MIA2: variants seen among roughly 807,000 people sequenced by gnomAD.
The protein encoded by MIA2 is MIA SH3 domain ER export factor 2.
A neutral mutation model predicts 167.8 loss-of-function variants in MIA2; 127 were observed. The observed-to-expected ratio is 0.76, with a 90% confidence interval of 0.66 to 0.88. The LOEUF (loss-of-function observed/expected upper bound fraction) is 0.88, where lower values mean the gene tolerates loss of function less well. Ranked by LOEUF, MIA2 falls within the 40% of genes least tolerant of loss-of-function variation. MIA2 has a pLI of 0.00. For missense variants in MIA2, 1,690 were observed against 1,624.7 expected, an observed-to-expected ratio of 1.04 and a Z score of -0.69; for synonymous variants, 552 against 541.9, an observed-to-expected ratio of 1.02 and a Z score of -0.26.
intron 6 of MIA2, among the ~76,000 whole-genome samples, chr14:39,262,664 A>G (rs1371502293): frequency 6.6e-6 from 1 of 152,206 alleles, no homozygotes; most frequent in Non-Finnish European, 1.5e-5. Flanking sequence ...ATGTTCTTCC[A>G]TTTGTTTGTG....
intron 13 of MIA2, 152 bp downstream of exon 13, chr14:39,295,181 C>G: frequency 1.5e-6 from 1 of 654,140 alleles, no homozygotes; most frequent in African/African-American, 1.8e-5. Flanking sequence ...CAGTGTCTGT[C>G]TCTTTTGTAT....
Position 39,313,380 on chromosome 14 carries a change from G to T in MIA2, c.3058G>T (p.Glu1020Ter). The change falls in exon 19 of 29, where the codon GAG becomes TAG. Residue 1020 changes from glutamate (E) to a stop codon, truncating the protein, a stop_gained. Coordinates refer to ENST00000640607, the MANE Select transcript of MIA2 (RefSeq NM_001329214.4). LOFTEE classifies it high-confidence loss of function. ...VEENYRLEKE[E>*]KLSKVDEKIS... ...GGAAAATTATCGGTTAGAGAAAGAA[G>T]AGAAACTTTCTAAAGTAGATGAAAA... 1.2e-6 allele frequency: 2 copies of T among 1,602,806 alleles called. No homozygotes were observed. Among genetic ancestry groups the T allele is most frequent in the Admixed American group, 1.7e-5 (1 of 58,664 alleles).
intron 9 of MIA2, among the ~76,000 whole-genome samples, chr14:39,282,544 A>G (rs1181293655): frequency 2.6e-5 from 4 of 152,116 alleles, no homozygotes; most frequent in African/African-American, 9.7e-5. Context: ...CATGTTGTAC[A>G]TGAGATCTTT....
chr14:39,304,891 CAA>C (rs2063089427), intron 17 of MIA2, among the ~76,000 whole-genome samples: 1 of 151,906 alleles, frequency 6.6e-6, no homozygotes, highest in Admixed American at 6.6e-5. Context: ...TTTGTATTTT[CAA>C]AAAGTAAACA....
At chr14:39,370,627 A>G (rs936819663) in intron 23 of MIA2, 4 of 335,096 alleles carry the variant, frequency 1.2e-5, no homozygotes, top group Non-Finnish European at 2.5e-5. Context: ...GTCCTTCACC[A>G]GCGCCTCTCT....
chr14:39,347,150 T>A (rs916564850), intron 26 of MIA2, among the ~76,000 whole-genome samples: 36 of 151,926 alleles, frequency 2.4e-4, no homozygotes, highest in Non-Finnish European at 5.3e-4. Context: ...GGGAAGGAAG[T>A]GAGGGAGGAA....
At chr14:39,290,343 A>AT (rs1187302791) in intron 9 of MIA2, among the ~76,000 whole-genome samples, 1 of 150,448 alleles carries the variant, frequency 6.6e-6, no homozygotes, top group East Asian at 1.9e-4. Flanking sequence ...TTTTTTTGGT[A>AT]TTTTTTGTCA....
intron 6 of MIA2, among the ~76,000 whole-genome samples, chr14:39,268,121 G>T (rs2056347103): frequency 6.6e-6 from 1 of 151,804 alleles, no homozygotes; most frequent in Non-Finnish European, 1.5e-5. Flanking sequence ...TTATTTTTCA[G>T]GTCTAGTTTA....
intron 23 of MIA2, among the ~76,000 whole-genome samples, chr14:39,378,490 G>A (rs561408488): frequency 6.6e-6 from 1 of 152,252 alleles, no homozygotes; most frequent in African/African-American, 2.4e-5. Context: ...ATTATAAACT[G>A]CCTTATAAAA....
In MIA2 at chr14:39,371,893, G is replaced by A. The variant is rs145173430; in HGVS notation, c.2249-14992G>A. ...AGGCACATTATCTTTCTGTGTAGGGGCAACATCTCTAAGCTTACATGGTAT... is the reference window on the plus strand; with the variant it reads ...AGGCACATTATCTTTCTGTGTAGGGACAACATCTCTAAGCTTACATGGTAT... On this transcript the variant is annotated intron_variant, in intron 23 of 23. Transcript: ENST00000341502. Among the ~76,000 whole-genome samples the A allele has an allele frequency of 1.3e-3, 205 of 152,076 alleles. 1 individual carries two copies. Among genetic ancestry groups the A allele is most frequent in the African/African-American group, 4.5e-3 (188 of 41,488 alleles).
intron 25 of MIA2, among the ~76,000 whole-genome samples, chr14:39,334,234 G>A (rs2069714275): frequency 6.6e-6 from 1 of 152,150 alleles, no homozygotes; most frequent in African/African-American, 2.4e-5. Flanking sequence ...CAGCACTTTG[G>A]GAGGCCAAGG....
chr14:39,282,160 G>C (rs2059043658), intron 9 of MIA2, among the ~76,000 whole-genome samples: 2 of 152,056 alleles, frequency 1.3e-5, no homozygotes, highest in Non-Finnish European at 1.5e-5. Context: ...TGAAGCTGTG[G>C]GTGCTGTCGT....
chr14:39,265,488 G>T, intron 6 of MIA2: 2 of 1,271,596 alleles, frequency 1.6e-6, no homozygotes, highest in South Asian at 1.3e-5. Context: ...AGTTTGTTAA[G>T]CTTTACTGTG....
At chr14:39,342,299 A>T (rs1272518096) in intron 25 of MIA2, among the ~76,000 whole-genome samples, 1 of 151,760 alleles carries the variant, frequency 6.6e-6, no homozygotes, top group African/African-American at 2.4e-5. Context: ...GCTGAGAATG[A>T]TGGTTTCCAG....
At chr14:39,338,273 A>G (rs1055853014) in intron 25 of MIA2, among the ~76,000 whole-genome samples, 1 of 152,218 alleles carries the variant, frequency 6.6e-6, no homozygotes, top group Admixed American at 6.5e-5. Context: ...ACAATACACT[A>G]TAGTTATGAA....
chr14:39,265,900 G>A (rs12587713), intron 6 of MIA2: 2 of 817,214 alleles, frequency 2.4e-6, no homozygotes, highest in Non-Finnish European at 3.0e-6. Flanking sequence ...CTTAACAATG[G>A]AGAATTACTA....
At chr14:39,365,130 A>G (rs1236561954) in intron 23 of MIA2, among the ~76,000 whole-genome samples, 1 of 151,554 alleles carries the variant, frequency 6.6e-6, no homozygotes, top group African/African-American at 2.4e-5. Flanking sequence ...CAGTGGCATG[A>G]TCTTAGTTCA....
At chr14:39,373,065 A>G (rs2074978819) in intron 23 of MIA2, among the ~76,000 whole-genome samples, 1 of 152,236 alleles carries the variant, frequency 6.6e-6, no homozygotes, top group Non-Finnish European at 1.5e-5. Flanking sequence ...GGTGATGGAT[A>G]TCCCAGTTAC....
chr14:39,355,445 A>AT (rs1314355407), downstream of MIA2, among the ~76,000 whole-genome samples: 36 of 152,186 alleles, frequency 2.4e-4, no homozygotes, highest in East Asian at 5.2e-3. Context: ...GCTTAAGGAG[A>AT]TTTTGGGCTG....
Sources: allele counts gnomAD v4.1 joint callset (sites outside exome capture counted in the v4.1 genomes callset), GRCh38; gene constraint gnomAD v4.1.1; transcripts MANE v1.5; gene names NCBI Gene and HGNC (gene_info 2026-07-23, HGNC 2026-07-21).